Variants in SEC14L3 observed in about 807,000 individuals in gnomAD.
The protein encoded by SEC14L3 is SEC14-like protein 3.
SEC14L3 carries 56 observed loss-of-function variants against 57.4 expected under a neutral mutation model. The observed-to-expected ratio is 0.97, with a 90% CI of 0.79 to 1.22. The LOEUF is 1.22. Ranked by LOEUF, SEC14L3 falls within the 50% of genes most tolerant of loss-of-function variation. SEC14L3 has a pLI of 0.00. For synonymous variants in SEC14L3, 173 were observed against 194.4 expected, an observed-to-expected ratio of 0.89 and a Z score of 0.92; for missense variants, 485 against 511.7, an observed-to-expected ratio of 0.95 and a Z score of 0.50.
intron 4 of SEC14L3, chr22:30,468,903 T>C (rs1935515133): frequency 2.0e-6 from 3 of 1,516,782 alleles, no homozygotes; most frequent in African/African-American, 1.4e-5. Context: ...CAAAGCCAGG[T>C]CTCAGCAGGC....
chr22:30,468,623 A>C lies in SEC14L3; in HGVS notation c.308T>G (p.Ile103Ser). Residue 103 changes from isoleucine (I) to serine (S), a missense_variant, in exon 5 of 12, where the codon ATT (isoleucine) becomes AGT (serine). Coordinates refer to ENST00000215812, the MANE Select transcript of SEC14L3 (RefSeq NM_174975.5). ...RDGCPVWYDI[I>S]GPLDPKGLLF... ...CAACCCCTTGGGATCAAGTGGCCCA[A>C]TGATGTCATACCACACGGGGCAGCC... 1.2e-6 allele frequency: 2 copies of C among 1,613,526 alleles called. No individual in the cohort carries two copies. The highest frequency in any genetic ancestry group is 1.7e-6 in the Non-Finnish European group (2 of 1,179,886).
At chr22:30,458,439 C>T (rs1016977138), downstream of SEC14L3, among the ~76,000 whole-genome samples, 1 of 152,200 alleles carries the variant, frequency 6.6e-6, no homozygotes, top group Admixed American at 6.5e-5. Flanking sequence ...TACCCACAAA[C>T]AGGGACTGGA....
chr22:30,454,617 TATA>T (rs1398470987), downstream of SEC14L3, among the ~76,000 whole-genome samples: 1 of 105,234 alleles, frequency 9.5e-6, no homozygotes, highest in East Asian at 2.7e-4. Flanking sequence ...TATTATTAGA[TATA>T]ATCTATAATA....
intron 12 of SEC14L3, among the ~76,000 whole-genome samples, chr22:30,452,970 G>A (rs139129922): frequency 3.6e-4 from 55 of 152,012 alleles, no homozygotes; most frequent in African/African-American, 1.3e-3. Context: ...AGCCCACCTC[G>A]GCCTCCCAAA....
In SEC14L3 at chr22:30,468,685, C is replaced by A. The variant is rs1274419419; in HGVS notation, c.246G>T (p.Lys82Asn). ...LDWQPPEVIQKYMPGGLCGYD... is the reference protein window; with the variant it reads ...LDWQPPEVIQNYMPGGLCGYD... ...AGCCACACAGGCCCCCAGGCATGTA[C>A]TTCTGGATCACCTGGGCATGAAAAG... The change falls in exon 5 of 12, where the codon AAG (lysine) becomes AAT (asparagine). Residue 82 changes from lysine to asparagine, a missense_variant. Transcript: ENST00000215812. The A allele has an allele frequency of 6.2e-7, 1 of 1,613,738 alleles. No homozygotes were observed. Among genetic ancestry groups the A allele is most frequent in the South Asian group, 1.1e-5 (1 of 91,056 alleles).
At chr22:30,471,253 C>G in intron 1 of SEC14L3, 1 of 454,120 alleles carries the variant, frequency 2.2e-6, no homozygotes, top group Non-Finnish European at 4.4e-6. Flanking sequence ...CCACAGCACT[C>G]CAGCCTGGAT....
In SEC14L3 at chr22:30,470,253, G is replaced by C; in HGVS notation, c.133C>G (p.Arg45Gly). The change falls in exon 3 of 12, where the codon CGG becomes GGG. Residue 45 changes from arginine (R) to glycine (G), a missense_variant and splice_region_variant. Arg to Gly is a moderately radical substitution (Grantham distance 125). Coordinates refer to ENST00000215812, the MANE Select transcript of SEC14L3 (RefSeq NM_174975.5). ...TCCGACTTCTGCAAGTCAAAATTCC[G>C]AGCTGTGGGAAAACAGAAGGAAGGT... is the stretch of plus-strand genomic sequence containing the variant. ...DYFLLRWLRA[R>G]NFDLQKSEAL... The C allele has an allele frequency of 6.2e-7, 1 of 1,613,206 alleles. No individual in the cohort carries two copies. Among genetic ancestry groups the C allele is most frequent in the Non-Finnish European group, 8.5e-7 (1 of 1,179,662 alleles).
intron 4 of SEC14L3, among the ~76,000 whole-genome samples, chr22:30,469,553 C>A (rs1935534415): frequency 1.3e-5 from 2 of 152,218 alleles, no homozygotes; most frequent in South Asian, 4.1e-4. Context: ...AGTGGTGGCA[C>A]TGTCCTCATC....
rs369121045 is a variant in SEC14L3, at chr22:30,468,502, C to T, written c.423+6G>A. 35 of 1,607,336 alleles carry T rather than the reference C, an allele frequency of 2.2e-5. No homozygotes were observed. The highest frequency in any genetic ancestry group is 2.9e-5 in the Non-Finnish European group (34 of 1,174,970). On this transcript the variant is annotated splice_donor_region_variant and intron_variant, in intron 5 of 11. Coordinates refer to ENST00000215812, the MANE Select transcript of SEC14L3 (RefSeq NM_174975.5). ...AGCCATCCACCCCACCTGGCCTGGA[C>T]CTCACCCTCTCTGTCTGCAGGTCAC...
chr22:30,468,351 C>G (rs1487463195), intron 5 of SEC14L3, among the ~76,000 whole-genome samples, 157 bp downstream of exon 5: 1 of 151,902 alleles, frequency 6.6e-6, no homozygotes, highest in East Asian at 1.9e-4. Flanking sequence ...GTGACTGTGA[C>G]TTTTCAAGGC....
chr22:30,471,005 C>A (rs536776000), intron 1 of SEC14L3, among the ~76,000 whole-genome samples: 12 of 152,208 alleles, frequency 7.9e-5, no homozygotes, highest in African/African-American at 2.9e-4. Flanking sequence ...GGATAAACAG[C>A]CAGGTATGGT....
downstream of SEC14L3, among the ~76,000 whole-genome samples, chr22:30,458,468 A>T (rs1418148729): frequency 6.6e-6 from 1 of 152,192 alleles, no homozygotes; most frequent in African/African-American, 2.4e-5. Context: ...CATGCAGGAC[A>T]CTTCTACTGG....
downstream of SEC14L3, among the ~76,000 whole-genome samples, chr22:30,454,943 AT>A (rs1935077617): frequency 2.9e-5 from 1 of 34,606 alleles, no homozygotes; most frequent in African/African-American, 1.2e-4. Flanking sequence ...TATATAATAT[AT>A]TATTATATAT....
chr22:30,465,120 C>A (rs2146113016), intron 7 of SEC14L3: 1 of 204,146 alleles, frequency 4.9e-6, no homozygotes, highest in East Asian at 1.9e-4. Context: ...AACCATCAAC[C>A]AACCATTCAG....
In SEC14L3 at chr22:30,459,848, T is replaced by C; in HGVS notation, c.*173A>G. 7.4e-7 allele frequency: 1 copy of C among 1,350,584 alleles called. No individual in the cohort carries two copies. The allele number at this position is 1,350,584 out of a possible 1,614,324, so 83.7% of individuals were successfully genotyped here. ...GTACCCTCCAAGGTTGTGCCTCTCA[T>C]ACCTTTCTTGATCTGACCACAGTAG... On this transcript the variant is annotated 3_prime_UTR_variant, in exon 12 of 12. Transcript: ENST00000215812.
At chr22:30,456,146 A>G (rs1022558098), downstream of SEC14L3, among the ~76,000 whole-genome samples, 6 of 152,082 alleles carry the variant, frequency 3.9e-5, no homozygotes, top group African/African-American at 1.4e-4. Context: ...TAAAAATACA[A>G]AAATTAGCCA....
chr22:30,447,779 G>A (rs920331039), downstream of SEC14L3, among the ~76,000 whole-genome samples: 1 of 152,132 alleles, frequency 6.6e-6, no homozygotes, highest in South Asian at 2.1e-4. Context: ...ATTGCAGATA[G>A]GTGTGTGTGT....
chr22:30,470,263 A>G lies in SEC14L3; in HGVS notation c.131-8T>C, dbSNP rs1331846646. ...GCAAGTCAAAATTCCGAGCTGTGGG[A>G]AAACAGAAGGAAGGTGTGAGACAGG... On this transcript the variant is annotated splice_region_variant and splice_polypyrimidine_tract_variant and intron_variant, in intron 2 of 11. Transcript: ENST00000215812. The G allele has an allele frequency of 6.2e-7, 1 of 1,612,560 alleles. No homozygotes were observed. The highest frequency in any genetic ancestry group is 8.5e-7 in the Non-Finnish European group (1 of 1,179,428).
intron 4 of SEC14L3, 24 bp from the exon 5 acceptor site, chr22:30,468,720 A>G (rs377586086): frequency 3.1e-6 from 5 of 1,613,810 alleles, no homozygotes; most frequent in Non-Finnish European, 2.5e-6. Context: ...GATGCACAGA[A>G]CTTGGCATTA....
Sources: gnomAD v4.1 joint callset for allele counts (sites outside exome capture counted in the v4.1 genomes callset) on GRCh38, gnomAD v4.1.1 for gene constraint, MANE v1.5 for transcripts, NCBI Gene and HGNC (gene_info 2026-07-23, HGNC 2026-07-21) for gene names.